Variants in YBEY observed in about 807,000 individuals in gnomAD.
YBEY encodes the protein endoribonuclease YbeY.
In YBEY, 15 loss-of-function variants were observed where a neutral mutation model predicts 13.5. The ratio of observed to expected loss-of-function variants is 1.11; its 90% CI spans 0.75 to 1.72. The LOEUF (loss-of-function observed/expected upper bound fraction) is 1.72. Among genes scored for constraint, YBEY ranks in the 40% most tolerant of loss-of-function variants. The pLI is 0.00. For synonymous variants in YBEY, 101 were observed against 83.1 expected, an observed-to-expected ratio of 1.21 and a Z score of -1.17; for missense variants, 244 against 208.4, an observed-to-expected ratio of 1.17 and a Z score of -1.05.
the YBEY span, among the ~76,000 whole-genome samples, chr21:46,309,005 G>A: frequency 6.6e-6 from 1 of 152,106 alleles, no homozygotes; most frequent in African/African-American, 2.4e-5. Flanking sequence ...TGTAAGAAAT[G>A]AATTTCTTTT....
rs144572662 is a variant in YBEY, at chr21:46,291,154, G to A, written c.211-180G>A. Among the ~76,000 whole-genome samples, 1,180 of 143,036 alleles carry A rather than the reference G, an allele frequency of 8.2e-3. 15 individuals are homozygous for A. Among genetic ancestry groups the A allele is most frequent in the African/African-American group, 0.029 (1,123 of 38,430 alleles). The allele number at this position is 143,036 out of a possible 152,430, so 93.8% of individuals were successfully genotyped here. On this transcript the variant is annotated intron_variant, in intron 2 of 4. Transcript: ENST00000397701. ...AGAGGTTGCAGTGAGCCGAGATCGC[G>A]CCATTCCACTGCAGCCTGGGCAACA...
chr21:46,296,232 T>A lies in YBEY; in HGVS notation c.408+2T>A, dbSNP rs1386075890. On this transcript the variant is annotated splice_donor_variant, in intron 4 of 4. Coordinates refer to ENST00000397701, the MANE Select transcript of YBEY (RefSeq NM_001314025.2). LOFTEE classifies it high-confidence loss of function. ...GGCACGGAGGCAGAGTGGCAGCAGG[T>A]AAGGAGCCCATCCATCCCACTACCG... The A allele has an allele frequency of 1.9e-6, 3 of 1,613,238 alleles. No homozygotes were observed. The highest frequency in any genetic ancestry group is 2.5e-6 in the Non-Finnish European group (3 of 1,179,990).
the YBEY span, among the ~76,000 whole-genome samples, chr21:46,302,954 C>T: frequency 6.8e-6 from 1 of 147,706 alleles, no homozygotes; most frequent in Non-Finnish European, 1.5e-5. Flanking sequence ...CGCCCTGAGC[C>T]CGTCTGTACA....
downstream of YBEY, chr21:46,297,868 C>A: frequency 1.0e-6 from 1 of 980,970 alleles, no homozygotes; most frequent in Non-Finnish European, 1.3e-6. Flanking sequence ...GCGCAGCGCT[C>A]GCCTCTCGCC....
At chr21:46,306,158 G>A in the YBEY span, among the ~76,000 whole-genome samples, 1 of 151,874 alleles carries the variant, frequency 6.6e-6, no homozygotes, top group Non-Finnish European at 1.5e-5. Flanking sequence ...CTTAGAAAGT[G>A]GTGAGATAAA....
downstream of YBEY, chr21:46,302,275 C>A: frequency 7.0e-7 from 1 of 1,419,036 alleles, no homozygotes; most frequent in South Asian, 1.5e-5. Flanking sequence ...GTCTAAGCAT[C>A]CTCCCAGAGG....
chr21:46,302,583 G>A (rs376361315), downstream of YBEY: 54 of 1,606,136 alleles, frequency 3.4e-5, no homozygotes, highest in African/African-American at 6.3e-4. Flanking sequence ...ATGTCTGCAG[G>A]GAAGAAGCAG....
chr21:46,289,184 A>G (rs190957856), intron 2 of YBEY, among the ~76,000 whole-genome samples: 11 of 152,308 alleles, frequency 7.2e-5, no homozygotes, highest in Admixed American at 2.6e-4. Context: ...CAAAATACCA[A>G]GTGGAAAGAA....
At chr21:46,291,958 C>A (rs560009796) in intron 3 of YBEY, 3 of 559,052 alleles carry the variant, frequency 5.4e-6, no homozygotes, top group African/African-American at 4.1e-5. Flanking sequence ...AGTTATTATT[C>A]AACTCAATCT....
At chr21:46,297,857 C>T, downstream of YBEY, 2 of 1,057,496 alleles carry the variant, frequency 1.9e-6, no homozygotes, top group Non-Finnish European at 2.4e-6. Flanking sequence ...CCGGGAGCAC[C>T]GCGCAGCGCT....
In YBEY at chr21:46,287,023, T is replaced by A. The variant is rs1363924065; in HGVS notation, c.110T>A (p.Leu37Gln). The A allele has an allele frequency of 1.9e-6, 3 of 1,614,076 alleles. No homozygotes were observed. Among genetic ancestry groups the A allele is most frequent in the Non-Finnish European group, 2.5e-6 (3 of 1,180,008 alleles). ...RRILGVQKFD[L>Q]GIICVDNKNI... ...ATTTTAGGAGTGCAGAAATTTGACC[T>A]GGGGATCATCTGTGTTGACAACAAG... is the stretch of plus-strand genomic sequence containing the variant. The change falls in exon 2 of 5, where the codon CTG (leucine) becomes CAG (glutamine). Residue 37 changes from leucine to glutamine, a missense_variant. Leu to Gln is a moderately radical substitution (Grantham distance 113). Coordinates refer to ENST00000397701, the MANE Select transcript of YBEY (RefSeq NM_001314025.2).
downstream of YBEY, among the ~76,000 whole-genome samples, chr21:46,299,750 G>C (rs542034028): frequency 6.8e-6 from 1 of 147,380 alleles, no homozygotes; most frequent in East Asian, 1.9e-4. Flanking sequence ...TGTGCCCTGA[G>C]CCCCCCCCAC....
chr21:46,298,526 T>C (rs1209630190), downstream of YBEY, among the ~76,000 whole-genome samples: 6 of 145,188 alleles, frequency 4.1e-5, no homozygotes, highest in South Asian at 9.0e-4. Flanking sequence ...CCCGCCGGGG[T>C]TCACGCCATT....
At chr21:46,296,258 AG>A in intron 4 of YBEY, 28 bp downstream of exon 4, 1 of 1,612,332 alleles carries the variant, frequency 6.2e-7, no homozygotes, top group Admixed American at 1.7e-5. Flanking sequence ...CCCACTACCG[AG>A]GGGGTGCGTG....
At chr21:46,298,821 C>T (rs1029961809), downstream of YBEY, among the ~76,000 whole-genome samples, 6 of 151,232 alleles carry the variant, frequency 4.0e-5, no homozygotes, top group Non-Finnish European at 8.8e-5. Flanking sequence ...GCCTCCTGGG[C>T]TCAAGCCATT....
At position 46,297,735 on chromosome 21, in the gene YBEY, T is replaced by A. The variant is rs1601608058; in HGVS notation, c.*101T>A. The A allele has an allele frequency of 7.2e-6, 9 of 1,248,278 alleles. No individual in the cohort carries two copies. Among genetic ancestry groups the A allele is most frequent in the Non-Finnish European group, 9.1e-6 (9 of 989,830 alleles). 77.3% of individuals were successfully genotyped at this position (1,248,278 alleles called of 1,614,324 possible). ...AACGAATGAACGTACGAGGGGAACC[T>A]CCTCTTATTTCCTTCACGTTGCATC... On this transcript the variant is annotated 3_prime_UTR_variant, in exon 5 of 5. Coordinates refer to ENST00000397701, the MANE Select transcript of YBEY (RefSeq NM_001314025.2).
intron 3 of YBEY, 41 bp downstream of exon 3, chr21:46,291,503 A>C: frequency 6.2e-7 from 1 of 1,608,482 alleles, no homozygotes; most frequent in Non-Finnish European, 8.5e-7. Flanking sequence ...GGCTCATGGA[A>C]CATGGGCCTT....
rs1569098845 is a variant in YBEY, at chr21:46,292,561, TTAAACTC to T, written c.339+1102_339+1108del. On this transcript the variant is annotated intron_variant, in intron 3 of 4. Transcript: ENST00000397701. ...GACTGAGTGGGGACAGCCACGCAAG[TTAAACTC>T]TAGATTAAATTCCTCCCGCGGTTAG... 6.1e-5 allele frequency among the ~76,000 whole-genome samples: 9 copies of T among 148,746 alleles called. 1 individual carries two copies. The highest frequency in any genetic ancestry group is 1.9e-4 in the East Asian group (1 of 5,140).
At chr21:46,301,711 G>A (rs372060109), downstream of YBEY, 605 of 1,181,844 alleles carry the variant, frequency 5.1e-4, 1 homozygote, top group Admixed American at 2.6e-3. Context: ...GGCCGGCGCC[G>A]CCCTACAGGA....
Sources: gnomAD v4.1 joint callset for allele counts (sites outside exome capture counted in the v4.1 genomes callset) on GRCh38, gnomAD v4.1.1 for gene constraint, MANE v1.5 for transcripts, NCBI Gene and HGNC (gene_info 2026-07-23, HGNC 2026-07-21) for gene names.